Variants in DUOX1 observed in about 807,000 individuals in gnomAD.
The protein encoded by DUOX1 is dual oxidase 1.
A neutral mutation model predicts 181.8 loss-of-function variants in DUOX1; 134 were observed. The observed-to-expected ratio is 0.74, with a 90% confidence interval of 0.64 to 0.85. The LOEUF is 0.85. Among genes scored for constraint, DUOX1 ranks in the 40% least tolerant of loss-of-function variants. The probability of loss-of-function intolerance (pLI) is 0.00; values close to 1 mark genes in which losing one functional copy is unlikely to be tolerated. For synonymous variants in DUOX1, 798 were observed against 832.5 expected (o/e 0.96, Z 0.71); for missense variants, 1,814 against 2,064.4 (o/e 0.88, Z 2.35).
Position 45,152,489 on chromosome 15 carries a change from A to G in DUOX1, c.3397A>G (p.Ile1133Val), listed in dbSNP as rs891241511. Residue 1133 changes from isoleucine (I) to valine (V), a missense_variant, in exon 25 of 34, where the codon ATT (isoleucine) becomes GTT (valine). This residue lies in a region of DUOX1 where 1,064 missense variants were observed against 1,152.9 expected (regional missense o/e 0.92). Transcript: ENST00000389037. ...FDAAVDFHRLIASTAIVLTVL... is the reference protein window; with the variant it reads ...FDAAVDFHRLVASTAIVLTVL... ...CGCCGCCGTGGACTTCCATCGCCTC[A>G]TTGCCTCCACCGCCATCGTCCTCAC... The G allele has an allele frequency of 5.0e-6, 8 of 1,613,604 alleles. No homozygotes were observed. In the Admixed American group the frequency reaches 1.3e-4, roughly 27 times the overall value.
chr15:45,143,315 G>A lies in DUOX1; in HGVS notation c.1936+12G>A, dbSNP rs1442487492. 1 of 1,609,390 alleles carries A rather than the reference G, an allele frequency of 6.2e-7. No homozygotes were observed. The highest frequency in any genetic ancestry group is 8.5e-7 in the Non-Finnish European group (1 of 1,176,110). On this transcript the variant is annotated intron_variant, in intron 16 of 33. Coordinates refer to ENST00000389037, the MANE Select transcript of DUOX1 (RefSeq NM_175940.3). ...GGGAGGCATGGAAGGTAGGTCTAGG[G>A]CTGGCCAGGGTGGTGGTAGGGAGGA...
chr15:45,160,792 C>G, intron 28 of DUOX1, 45 bp from the exon 29 acceptor site: 2 of 1,562,616 alleles, frequency 1.3e-6, no homozygotes, highest in Non-Finnish European at 1.7e-6. Flanking sequence ...CTGTATTCTG[C>G]TATGGGCATC....
chr15:45,143,919 G>C, intron 16 of DUOX1, 117 bp from the exon 17 acceptor site: 1 of 970,338 alleles, frequency 1.0e-6, no homozygotes, highest in South Asian at 1.5e-5. Flanking sequence ...CAGTACCCCA[G>C]AAGGGGACAA....
chr15:45,141,445 G>A (rs756339407), intron 14 of DUOX1, 35 bp downstream of exon 14: 9 of 1,606,726 alleles, frequency 5.6e-6, no homozygotes, highest in Non-Finnish European at 7.7e-6. Context: ...GGAGTGGTGG[G>A]TCTGGAGCCT....
At chr15:45,150,600 G>C (rs1595588351) in intron 21 of DUOX1, 32 bp from the exon 22 acceptor site, 2 of 1,610,560 alleles carry the variant, frequency 1.2e-6, no homozygotes, top group Middle Eastern at 1.8e-4. Context: ...TCTGGACCCT[G>C]AGCTGCTCCC....
Position 45,151,892 on chromosome 15 carries a change from C to G in DUOX1, c.3033C>G (p.Pro1011=). The change falls in exon 24 of 34, where the codon CCC becomes CCG. Residue 1011 remains proline, a synonymous_variant. Transcript: ENST00000389037. The part of the protein sequence containing the change: ...RFGKKVTSFQ[P]LLFTEAHREK... ...CTCCCAGGGTAACGTCATTCCAGCC[C>G]TTGCTGTTCACTGAGGCGCACCGAG... is the stretch of plus-strand genomic sequence containing the variant. The G allele has an allele frequency of 1.2e-6, 2 of 1,613,050 alleles. No individual in the cohort carries two copies. The highest frequency in any genetic ancestry group is 1.7e-6 in the Non-Finnish European group (2 of 1,179,542).
chr15:45,157,603 G>C (rs1033493843), intron 28 of DUOX1, among the ~76,000 whole-genome samples: 2 of 152,068 alleles, frequency 1.3e-5, no homozygotes, highest in African/African-American at 4.8e-5. Flanking sequence ...TGGATCACCT[G>C]AGGCCAGGAG....
intron 18 of DUOX1, among the ~76,000 whole-genome samples, chr15:45,145,912 C>A (rs1373258344): frequency 1.5e-5 from 2 of 133,846 alleles, no homozygotes; most frequent in African/African-American, 6.2e-5. Context: ...AAGACTCCAT[C>A]TCAGTTAAAA....
At chr15:45,152,600 T>C in intron 25 of DUOX1, 84 bp downstream of exon 25, 4 of 1,274,016 alleles carry the variant, frequency 3.1e-6, no homozygotes, top group Non-Finnish European at 3.4e-6. Flanking sequence ...CCCTCTCTGC[T>C]GGCACTTACC....
At chr15:45,144,713 C>T (rs978649246) in intron 17 of DUOX1, among the ~76,000 whole-genome samples, 182 bp from the exon 18 acceptor site, 7 of 152,234 alleles carry the variant, frequency 4.6e-5, no homozygotes, top group Admixed American at 1.3e-4. Context: ...CCTTTAAATC[C>T]AAACTCTGCA....
intron 23 of DUOX1, among the ~76,000 whole-genome samples, chr15:45,151,503 G>A (rs943672522): frequency 6.6e-6 from 1 of 152,208 alleles, no homozygotes; most frequent in African/African-American, 2.4e-5. Flanking sequence ...TGCCAGGGAG[G>A]TCAGAGATGC....
rs966266092 is a variant in DUOX1, at chr15:45,135,602, C to T, written c.624C>T (p.Asp208=). The change falls in exon 6 of 34, where the codon GAC becomes GAT. Residue 208 remains aspartate, a synonymous_variant. Coordinates refer to ENST00000389037, the MANE Select transcript of DUOX1 (RefSeq NM_175940.3). ...GGCCCGACCCCGCTTTTCCCCGAGA[C>T]TCGCAGAACCCCCTGCTCATGTGGG... ...ASGPDPAFPR[D]SQNPLLMWAA... The T allele has an allele frequency of 1.3e-6, 2 of 1,563,708 alleles. No homozygotes were observed. Among genetic ancestry groups the T allele is most frequent in the African/African-American group, 2.7e-5 (2 of 73,938 alleles).
chr15:45,151,065 G>A (rs1896788710), intron 22 of DUOX1, 58 bp from the exon 23 acceptor site: 1 of 1,602,402 alleles, frequency 6.2e-7, no homozygotes, highest in Admixed American at 1.7e-5. Flanking sequence ...GACCAGGATA[G>A]CAGAGGAACG....
chr15:45,155,391 C>G (rs544679006), intron 27 of DUOX1: 1 of 168,004 alleles, frequency 6.0e-6, no homozygotes, highest in East Asian at 1.7e-4. Flanking sequence ...ATGGCAGAAC[C>G]CTGTCTCTAC....
intron 21 of DUOX1, among the ~76,000 whole-genome samples, chr15:45,149,105 C>T (rs1852958984): frequency 6.6e-6 from 1 of 152,080 alleles, no homozygotes; most frequent in African/African-American, 2.4e-5. Flanking sequence ...CTGTCTGTGG[C>T]CTGCTCTGAG....
intron 10 of DUOX1, chr15:45,138,844 C>T (rs991271691): frequency 1.9e-6 from 1 of 533,764 alleles, no homozygotes; most frequent in African/African-American, 1.9e-5. Flanking sequence ...TTTAAGATCC[C>T]TTGTGCTTGT....
At position 45,137,987 on chromosome 15, in the gene DUOX1, G is replaced by A; in HGVS notation, c.1086G>A (p.Arg362=). Residue 362 remains arginine, a synonymous_variant, in exon 10 of 34, where the codon CGG becomes CGA. Transcript: ENST00000389037. ...ACTCAAGTGTCTCCAGAGCTCTCCG[G>A]GTCTGCAACAGCTACTGGAGCCGTG... ...NRNSSVSRAL[R]VCNSYWSREH... The A allele has an allele frequency of 1.2e-6, 2 of 1,610,458 alleles. No individual in the cohort carries two copies. Among genetic ancestry groups the A allele is most frequent in the East Asian group, 2.2e-5 (1 of 44,676 alleles).
intron 31 of DUOX1, among the ~76,000 whole-genome samples, chr15:45,162,630 G>A (rs993286214): frequency 6.6e-6 from 1 of 152,244 alleles, no homozygotes; most frequent in Admixed American, 6.5e-5. Flanking sequence ...AGTTAGGGGT[G>A]CTCCACATAG....
At position 45,137,940 on chromosome 15, in the gene DUOX1, T is replaced by C. The variant is rs1896371311; in HGVS notation, c.1039T>C (p.Phe347Leu). The change falls in exon 10 of 34, where the codon TTC becomes CTC. Residue 347 changes from phenylalanine to leucine, a missense_variant. Transcript: ENST00000389037. ...GVYMRNASCHFQGVINRNSSV... is the reference protein window; with the variant it reads ...GVYMRNASCHLQGVINRNSSV... ...GCATTTCAGAAATGCCAGCTGCCAC[T>C]TCCAGGGGGTCATCAATCGGAACTC... 6.2e-7 allele frequency: 1 copy of C among 1,607,540 alleles called. No homozygotes were observed. The highest frequency in any genetic ancestry group is 8.5e-7 in the Non-Finnish European group (1 of 1,176,492).
Sources: gnomAD v4.1 joint callset for allele counts (sites outside exome capture counted in the v4.1 genomes callset) on GRCh38, gnomAD v4.1.1 for gene constraint, gnomAD v4.1.1 regional missense constraint, MANE v1.5 for transcripts, NCBI Gene and HGNC (gene_info 2026-07-23, HGNC 2026-07-21) for gene names.